SHPRH: variants seen among roughly 807,000 people sequenced by gnomAD.
The protein encoded by SHPRH is SNF2 histone linker PHD RING helicase.
SHPRH carries 106 observed loss-of-function variants against 202.5 expected under a neutral mutation model. The ratio of observed to expected loss-of-function variants is 0.52; its 90% CI spans 0.45 to 0.62. The LOEUF (loss-of-function observed/expected upper bound fraction) is 0.62. Among genes scored for constraint, SHPRH ranks in the 20% least tolerant of loss-of-function variants. SHPRH has a pLI of 0.00. For synonymous variants in SHPRH, 729 were observed against 686.0 expected (o/e 1.06, Z -0.98); for missense variants, 1,710 against 2,020.0 (o/e 0.85, Z 2.94).
downstream of SHPRH, among the ~76,000 whole-genome samples, chr6:145,882,911 A>T (rs1033195251): frequency 6.6e-6 from 1 of 152,216 alleles, no homozygotes; most frequent in African/African-American, 2.4e-5. Context: ...TGGAAGGGTC[A>T]GTAATCAGAA....
In SHPRH at chr6:145,940,871, T is replaced by C. The variant is rs187490209; in HGVS notation, c.2491-70A>G. On this transcript the variant is annotated intron_variant, in intron 10 of 29. Coordinates refer to ENST00000275233, the MANE Select transcript of SHPRH (RefSeq NM_001042683.3). ...ACAGAAAGAACACAGAAGTCAGGCA[T>C]ACTCATGAAAAACAGCCCATTAAAA... The C allele has an allele frequency of 5.3e-6, 8 of 1,521,252 alleles. No homozygotes were observed. In the East Asian group the frequency reaches 1.1e-4, roughly 22 times the overall value. 94.2% of individuals were successfully genotyped at this position (1,521,252 alleles called of 1,614,324 possible).
At position 145,886,588 on chromosome 6, in the gene SHPRH, C is replaced by G; in HGVS notation, c.*103G>C. The G allele has an allele frequency of 1.3e-6, 2 of 1,530,886 alleles. No homozygotes were observed. The highest frequency in any genetic ancestry group is 1.8e-6 in the Non-Finnish European group (2 of 1,139,518). 94.8% of individuals were successfully genotyped at this position (1,530,886 alleles called of 1,614,324 possible). On this transcript the variant is annotated 3_prime_UTR_variant, in exon 30 of 30. Transcript: ENST00000275233. ...ATAAACAAATTCATTCAACTAGGAA[C>G]AGTGTTACTGTTATCTACTGGGTTT...
chr6:145,955,145 T>A lies in SHPRH; in HGVS notation c.178A>T (p.Ser60Cys), dbSNP rs745352255. 3.1e-5 allele frequency: 50 copies of A among 1,613,744 alleles called. No individual in the cohort carries two copies. The highest frequency in any genetic ancestry group is 2.7e-5 in the African/African-American group (2 of 74,928). Residue 60 changes from serine to cysteine, a missense_variant, in exon 2 of 30, where the codon AGT becomes TGT. Coordinates refer to ENST00000275233, the MANE Select transcript of SHPRH (RefSeq NM_001042683.3). ...SSAHYIILSD[S>C]LKEEVAHRDK... ...CTGTGAGCCACTTCTTCCTTTAGACTATCACTTAGAATGATATAATGAGCA... is the reference window on the plus strand; with the variant it reads ...CTGTGAGCCACTTCTTCCTTTAGACAATCACTTAGAATGATATAATGAGCA...
downstream of SHPRH, among the ~76,000 whole-genome samples, chr6:145,859,800 T>G (rs1356515402): frequency 6.6e-6 from 1 of 151,920 alleles, no homozygotes; most frequent in Non-Finnish European, 1.5e-5. Flanking sequence ...AGTAGCAGAA[T>G]GTGTTGGAAT....
intron 2 of SHPRH, among the ~76,000 whole-genome samples, chr6:145,867,315 A>T (rs1348257143): frequency 6.6e-6 from 1 of 152,004 alleles, no homozygotes; most frequent in Non-Finnish European, 1.5e-5. Context: ...TAGTAGACTG[A>T]TTAATGACCC....
intron 11 of SHPRH, among the ~76,000 whole-genome samples, chr6:145,940,397 G>A (rs1786639709): frequency 1.6e-5 from 1 of 61,838 alleles, no homozygotes; most frequent in Non-Finnish European, 2.9e-5. Flanking sequence ...TTTCTTTTTG[G>A]GTTAGATTCT....
At chr6:145,962,897 G>T (rs1372948162) in intron 1 of SHPRH, among the ~76,000 whole-genome samples, 2 of 152,128 alleles carry the variant, frequency 1.3e-5, no homozygotes, top group African/African-American at 4.8e-5. Flanking sequence ...GCTAAAATAT[G>T]CTAGTTACAT....
In SHPRH at chr6:145,894,967, G is replaced by C. The variant is rs375039468; in HGVS notation, c.4526C>G (p.Ser1509Cys). ...EEDIPVKGSH[S>C]TKVEAVVRTL... The stretch of plus-strand genomic sequence containing the variant: ...TCTGACCACAGCTTCCACTTTTGTA[G>C]AATGGCTGCCCTTTGAACACACACA... Residue 1509 changes from serine to cysteine, a missense_variant, in exon 26 of 30, where the codon TCT becomes TGT. Ser to Cys is a moderately radical substitution (Grantham distance 112). This residue lies in a region of SHPRH where 306 missense variants were observed against 479.5 expected (regional missense o/e 0.64). Coordinates refer to ENST00000275233, the MANE Select transcript of SHPRH (RefSeq NM_001042683.3). The C allele has an allele frequency of 1.2e-6, 2 of 1,612,848 alleles. No homozygotes were observed. Among genetic ancestry groups the C allele is most frequent in the Non-Finnish European group, 1.7e-6 (2 of 1,179,218 alleles).
intron 4 of SHPRH, among the ~76,000 whole-genome samples, chr6:145,949,853 C>T (rs749974175): frequency 1.3e-5 from 2 of 152,120 alleles, no homozygotes; most frequent in Non-Finnish European, 2.9e-5. Flanking sequence ...ATTCATCACA[C>T]ATAAGTCTCC....
chr6:145,941,631 T>C lies in SHPRH; in HGVS notation c.2482A>G (p.Thr828Ala). Residue 828 changes from threonine to alanine, a missense_variant, in exon 10 of 30, where the codon ACA becomes GCA. Physicochemically the swap from Thr to Ala is moderately conservative, Grantham distance 58 (BLOSUM62 0). Coordinates refer to ENST00000275233, the MANE Select transcript of SHPRH (RefSeq NM_001042683.3). ...LDEAQMVECP[T>A]VKAAEMAQRL... is the part of the protein sequence containing the mutation. ...TTTGCAGAAACTCTCACTTTTACTG[T>C]GGGACACTCAACCATCTGAGCTTCA... 1 of 1,613,818 alleles carries C rather than the reference T, an allele frequency of 6.2e-7. No homozygotes were observed. The highest frequency in any genetic ancestry group is 1.1e-5 in the South Asian group (1 of 91,068).
intron 14 of SHPRH, 141 bp from the exon 15 acceptor site, chr6:145,927,418 G>A: frequency 1.5e-6 from 1 of 688,306 alleles, no homozygotes; most frequent in Non-Finnish European, 2.3e-6. Context: ...ATTTGACTTG[G>A]TATTAATATG....
At chr6:145,938,595 G>C (rs903152734) in intron 11 of SHPRH, among the ~76,000 whole-genome samples, 6 of 151,974 alleles carry the variant, frequency 3.9e-5, no homozygotes, top group African/African-American at 1.5e-4. Flanking sequence ...AACAAAAGGA[G>C]AAGTAGAGGC....
intron 2 of SHPRH, among the ~76,000 whole-genome samples, chr6:145,873,709 A>AAGGAAGGG (rs1464299289): frequency 7.9e-6 from 1 of 125,860 alleles, no homozygotes; most frequent in African/African-American, 3.2e-5. Flanking sequence ...GGAAGGAAGG[A>AAGGAAGGG]AGGAAGGGAG....
At chr6:145,874,894 C>T (rs1200414958) in intron 2 of SHPRH, among the ~76,000 whole-genome samples, 3 of 152,142 alleles carry the variant, frequency 2.0e-5, no homozygotes, top group Non-Finnish European at 4.4e-5. Context: ...TATTTAAACT[C>T]CACAGAGCTT....
chr6:145,916,525 T>C (rs553085512), intron 23 of SHPRH, among the ~76,000 whole-genome samples: 13 of 152,152 alleles, frequency 8.5e-5, no homozygotes, highest in Non-Finnish European at 1.8e-4. Context: ...AATCTGTGCC[T>C]AATTGTTGGC....
chr6:145,927,151 A>C, intron 15 of SHPRH, 38 bp downstream of exon 15: 1 of 1,575,302 alleles, frequency 6.3e-7, no homozygotes, highest in Non-Finnish European at 8.7e-7. Context: ...TTAAAAAAAC[A>C]AACAGAATAC....
In SHPRH at chr6:145,890,499, T is replaced by C. The variant is rs117402103; in HGVS notation, c.4875-2399A>G. On this transcript the variant is annotated intron_variant, in intron 28 of 29. Transcript: ENST00000275233. ...TGAGGTACATTTTTCACTTGGTTCC[T>C]AGGACACTCCTGTCTTCTGGTTTTC... 4.1e-3 allele frequency among the ~76,000 whole-genome samples: 622 copies of C among 152,252 alleles called. 13 individuals are homozygous for C. The East Asian group carries it at 0.069, about 17-fold the overall frequency.
At chr6:145,874,147 G>A (rs1034519116) in intron 2 of SHPRH, among the ~76,000 whole-genome samples, 1 of 151,820 alleles carries the variant, frequency 6.6e-6, no homozygotes, top group African/African-American at 2.4e-5. Flanking sequence ...GCAGTGAGCC[G>A]AGATCGTGCC....
intron 2 of SHPRH, among the ~76,000 whole-genome samples, chr6:145,879,305 T>TA (rs960801235): frequency 1.3e-4 from 19 of 151,302 alleles, no homozygotes; most frequent in African/African-American, 2.9e-4. Flanking sequence ...TTACTAACTT[T>TA]AAAAAAAAAG....
Sources: allele counts gnomAD v4.1 joint callset (sites outside exome capture counted in the v4.1 genomes callset), GRCh38; gene constraint gnomAD v4.1.1; regional missense constraint gnomAD v4.1.1; transcripts MANE v1.5; gene names NCBI Gene and HGNC (gene_info 2026-07-23, HGNC 2026-07-21).